The following TMEFF2 variants were observed in gnomAD, a reference collection of about 807,000 sequenced individuals.
TMEFF2 encodes the protein transmembrane protein with EGF like and two follistatin like domains 2.
A neutral mutation model predicts 53.8 loss-of-function variants in TMEFF2; 28 were observed. The observed-to-expected ratio is 0.52, with a 90% CI of 0.39 to 0.71. TMEFF2 has a LOEUF of 0.71. TMEFF2 is among the 30% of genes least tolerant of loss of function. The pLI is 0.00. For synonymous variants in TMEFF2, 162 were observed against 166.3 expected (o/e 0.97, Z 0.20); for missense variants, 353 against 455.2 (o/e 0.78, Z 2.04).
chr2:192,150,401 A>G (rs1368888374), intron 4 of TMEFF2, among the ~76,000 whole-genome samples: 1 of 151,852 alleles, frequency 6.6e-6, no homozygotes, highest in Non-Finnish European at 1.5e-5. Flanking sequence ...AATCTTGGAG[A>G]AACATTCACC....
At chr2:192,063,963 C>A (rs1688108876) in intron 4 of TMEFF2, among the ~76,000 whole-genome samples, 1 of 146,110 alleles carries the variant, frequency 6.8e-6, no homozygotes, top group African/African-American at 2.5e-5. Context: ...AAACGACATA[C>A]AATTTAGTCT....
At chr2:192,053,129 C>G (rs1198033542) in intron 5 of TMEFF2, among the ~76,000 whole-genome samples, 1 of 152,142 alleles carries the variant, frequency 6.6e-6, no homozygotes, top group Non-Finnish European at 1.5e-5. Context: ...TACAAGCCAT[C>G]TGTTTTCTCA....
rs890749072 is a variant in TMEFF2, at chr2:192,131,988, T to TG, written c.439+47679dup. On this transcript the variant is annotated intron_variant, in intron 4 of 9. Coordinates refer to ENST00000272771, the MANE Select transcript of TMEFF2 (RefSeq NM_016192.4). ...GTCCCTTCCTAGTCTCTGTGCCCAG[T>TG]GCAACTCGTCCCAAATCTTCCTTCT... Among the ~76,000 whole-genome samples, 92 of 152,258 alleles carry TG rather than the reference T, an allele frequency of 6.0e-4. 1 individual carries two copies. Among genetic ancestry groups the TG allele is most frequent in the Non-Finnish European group, 2.6e-4 (18 of 67,994 alleles).
In TMEFF2 at chr2:191,950,016, AT is replaced by A; in HGVS notation, c.*294del. On this transcript the variant is annotated 3_prime_UTR_variant, in exon 10 of 10. Transcript: ENST00000272771. ...AGATACCGCAAATTTAAGAATGCCA[AT>A]TTTTTCTCATCACTGAGTATTTATT... The A allele has an allele frequency of 2.7e-6, 3 of 1,116,708 alleles. No homozygotes were observed. The highest frequency in any genetic ancestry group is 3.3e-6 in the Non-Finnish European group (3 of 908,210). 69.2% of individuals were successfully genotyped at this position (1,116,708 alleles called of 1,614,324 possible). A position where few individuals can be genotyped will look rare whatever the true frequency, so the allele number is the denominator to read the frequency against.
At chr2:192,098,063 T>C (rs911253567) in intron 4 of TMEFF2, among the ~76,000 whole-genome samples, 1 of 152,202 alleles carries the variant, frequency 6.6e-6, no homozygotes, top group Non-Finnish European at 1.5e-5. Flanking sequence ...ATTTAAATAG[T>C]ACACATCATC....
intron 7 of TMEFF2, among the ~76,000 whole-genome samples, chr2:191,966,635 A>C (rs35055695): frequency 0.41 from 62,419 of 152,036 alleles, 15,753 homozygotes; most frequent in East Asian, 0.67. Context: ...TTATTTAAAA[A>C]AGCAAAACAA....
At chr2:192,040,287 T>G (rs1264571473) in intron 5 of TMEFF2, among the ~76,000 whole-genome samples, 1 of 152,114 alleles carries the variant, frequency 6.6e-6, no homozygotes, top group Non-Finnish European at 1.5e-5. Context: ...TTAAATCTAT[T>G]ATTTCTATCC....
At chr2:191,950,555 T>C in intron 9 of TMEFF2, 148 bp from the exon 10 acceptor site, 1 of 1,222,556 alleles carries the variant, frequency 8.2e-7, no homozygotes, top group South Asian at 1.3e-5. Context: ...TGGATTATTT[T>C]GGAAAAGTTA....
intron 4 of TMEFF2, among the ~76,000 whole-genome samples, chr2:192,069,144 C>T (rs376170701): frequency 6.6e-6 from 1 of 151,746 alleles, no homozygotes; most frequent in African/African-American, 2.4e-5. Context: ...TACAATTTCT[C>T]TTTTGCTATT....
intron 4 of TMEFF2, among the ~76,000 whole-genome samples, chr2:192,117,112 A>G (rs1361740816): frequency 6.6e-6 from 1 of 152,150 alleles, no homozygotes; most frequent in East Asian, 1.9e-4. Flanking sequence ...AAATGTGATT[A>G]CTGATAGATG....
intron 4 of TMEFF2, among the ~76,000 whole-genome samples, chr2:192,176,226 T>C (rs530585570): frequency 2.2e-3 from 339 of 151,494 alleles, no homozygotes; most frequent in African/African-American, 7.8e-3. Context: ...TACCTCCCTA[T>C]AGCACAATTC....
chr2:191,979,534 C>T (rs4294942), intron 7 of TMEFF2, among the ~76,000 whole-genome samples: 150,157 of 152,284 alleles, frequency 0.99, 74,077 homozygotes, highest in Middle Eastern at 1. Flanking sequence ...AATTGGCTAA[C>T]GCTATACAAA....
chr2:191,951,411 G>A (rs1375146289), intron 9 of TMEFF2, among the ~76,000 whole-genome samples: 1 of 136,474 alleles, frequency 7.3e-6, no homozygotes, highest in Non-Finnish European at 1.7e-5. Flanking sequence ...CTAAAATAGT[G>A]ATGCAAAAGA....
intron 2 of TMEFF2, among the ~76,000 whole-genome samples, chr2:192,184,688 T>C (rs1193971883): frequency 6.6e-6 from 1 of 152,108 alleles, no homozygotes; most frequent in African/African-American, 2.4e-5. Context: ...TTGATTTAGA[T>C]AGGGCAAAAA....
Position 191,949,112 on chromosome 2 carries a change from A to G in TMEFF2, c.*1199T>C, listed in dbSNP as rs566986220. 1.6e-5 allele frequency: 16 copies of G among 985,284 alleles called. No individual in the cohort carries two copies. The Admixed American group carries it at 9.8e-4, about 61-fold the overall frequency. The allele number at this position is 985,284 out of a possible 1,614,324, so 61.0% of individuals were successfully genotyped here. ...TAGCCATGGAAAGCTTTGCAGAGCT[A>G]AATGATAATAATTGATTTATTTTCA... On this transcript the variant is annotated 3_prime_UTR_variant, in exon 10 of 10. Transcript: ENST00000272771.
At position 192,037,907 on chromosome 2, in the gene TMEFF2, T is replaced by G. The variant is rs1687371379; in HGVS notation, c.536+19772A>C. ...GTGAAAAGGACATGGACCTTGGAAT[T>G]AAATTTGAGATTGAACTCAAGATCC... On this transcript the variant is annotated intron_variant, in intron 5 of 9. Coordinates refer to ENST00000272771, the MANE Select transcript of TMEFF2 (RefSeq NM_016192.4). 2.0e-5 allele frequency: 3 copies of G among 152,304 alleles called. No individual in the cohort carries two copies. In the South Asian group the frequency reaches 6.2e-4, roughly 32 times the overall value. 9.4% of individuals were successfully genotyped at this position (152,304 alleles called of 1,614,324 possible).
intron 4 of TMEFF2, among the ~76,000 whole-genome samples, chr2:192,139,115 C>G (rs1411251678): frequency 6.6e-6 from 1 of 152,028 alleles, no homozygotes; most frequent in Non-Finnish European, 1.5e-5. Context: ...AACATATAAC[C>G]AAGGTTGAAT....
At chr2:192,167,397 T>C (rs898601483) in intron 4 of TMEFF2, among the ~76,000 whole-genome samples, 4 of 152,126 alleles carry the variant, frequency 2.6e-5, no homozygotes, top group Non-Finnish European at 5.9e-5. Flanking sequence ...AAATATTGTA[T>C]ATGTTAATAC....
rs748021023 is a variant in TMEFF2, at chr2:191,953,746, A to G, written c.961T>C (p.Leu321=). Reference sequence around the variant, plus strand: ...ATTGTTCCAATCACAGCTGCGATTAAGACATACTGAAATCGTACAGGACCG... The same window carrying G: ...ATTGTTCCAATCACAGCTGCGATTAGGACATACTGAAATCGTACAGGACCG... The part of the protein sequence containing the change: ...VPGPVRFQYV[L]IAAVIGTIQI... Residue 321 remains leucine, a synonymous_variant, in exon 9 of 10, where the codon TTA becomes CTA. Transcript: ENST00000272771. 2.5e-6 allele frequency: 4 copies of G among 1,614,206 alleles called. No individual in the cohort carries two copies. The highest frequency in any genetic ancestry group is 2.5e-6 in the Non-Finnish European group (3 of 1,180,012).
Sources: gnomAD v4.1 joint callset for allele counts (sites outside exome capture counted in the v4.1 genomes callset) on GRCh38, gnomAD v4.1.1 for gene constraint, MANE v1.5 for transcripts, NCBI Gene and HGNC (gene_info 2026-07-23, HGNC 2026-07-21) for gene names.